The following HSDL1 variants were observed in gnomAD, a reference collection of about 807,000 sequenced individuals.
HSDL1 encodes the protein inactive hydroxysteroid dehydrogenase-like protein 1.
HSDL1 carries 29 observed loss-of-function variants against 31.5 expected under a neutral mutation model. The ratio of observed to expected loss-of-function variants is 0.92; its 90% CI spans 0.69 to 1.26. The LOEUF (loss-of-function observed/expected upper bound fraction) is 1.26. Among genes scored for constraint, HSDL1 ranks in the 50% most tolerant of loss-of-function variants. HSDL1 has a pLI of 0.00. For synonymous variants in HSDL1, 222 were observed against 155.2 expected, an observed-to-expected ratio of 1.43 and a Z score of -3.20; for missense variants, 503 against 416.6, an observed-to-expected ratio of 1.21 and a Z score of -1.81.
At chr16:84,136,516 C>A (rs889211653) in intron 1 of HSDL1, among the ~76,000 whole-genome samples, 1 of 152,262 alleles carries the variant, frequency 6.6e-6, no homozygotes, top group Non-Finnish European at 1.5e-5. Flanking sequence ...GCTCAGCCCT[C>A]AGCTCAGGAG....
chr16:84,137,629 C>T (rs1343987675), intron 1 of HSDL1, among the ~76,000 whole-genome samples: 1 of 152,248 alleles, frequency 6.6e-6, no homozygotes, highest in Non-Finnish European at 1.5e-5. Flanking sequence ...TTCACACATT[C>T]ACTCACACCC....
chr16:84,129,429 T>G, intron 5 of HSDL1, 119 bp downstream of exon 5: 3 of 755,418 alleles, frequency 4.0e-6, no homozygotes, highest in Non-Finnish European at 6.5e-6. Flanking sequence ...TTATTAAGTG[T>G]CAGGCTTAAG....
intron 2 of HSDL1, among the ~76,000 whole-genome samples, chr16:84,132,632 G>A (rs1466193651): frequency 6.6e-6 from 1 of 152,192 alleles, no homozygotes; most frequent in African/African-American, 2.4e-5. Flanking sequence ...GTCCCTAGGT[G>A]AAGACGCAGA....
In HSDL1 at chr16:84,130,294, C is replaced by T; in HGVS notation, c.358G>A (p.Asp120Asn). 1 of 1,614,208 alleles carries T rather than the reference C, an allele frequency of 6.2e-7. No individual in the cohort carries two copies. The highest frequency in any genetic ancestry group is 8.5e-7 in the Non-Finnish European group (1 of 1,180,048). The change falls in exon 4 of 6, where the codon GAT becomes AAT. Residue 120 changes from aspartate (D) to asparagine (N), a missense_variant. Asp to Asn is a conservative substitution (Grantham distance 23, BLOSUM62 1). Transcript: ENST00000219439. ...CTGCTGAAGTCCGCAACTATAATAT[C>T]AGTTTCCACTTTGTACGTGTCGGCT... is the stretch of plus-strand genomic sequence containing the variant. ...DIADTYKVET[D>N]IIVADFSSGR...
intron 1 of HSDL1, among the ~76,000 whole-genome samples, chr16:84,143,805 T>C (rs1454844493): frequency 2.0e-5 from 3 of 148,568 alleles, no homozygotes; most frequent in East Asian, 2.0e-4. Context: ...AAGGCTACCC[T>C]GACCAACACA....
intron 5 of HSDL1, among the ~76,000 whole-genome samples, chr16:84,128,431 A>G (rs1280528934): frequency 1.3e-5 from 2 of 152,240 alleles, no homozygotes; most frequent in Non-Finnish European, 2.9e-5. Context: ...GTTACTTTCT[A>G]CAGTACTAAA....
chr16:84,145,161 C>T lies in HSDL1; in HGVS notation c.-150G>A, dbSNP rs2086839468. The T allele has an allele frequency of 1.3e-5, 3 of 236,736 alleles. No homozygotes were observed. The East Asian group carries it at 2.7e-4, about 21-fold the overall frequency. The allele number at this position is 236,736 out of a possible 1,614,324, so 14.7% of individuals were successfully genotyped here. A position where few individuals can be genotyped will look rare whatever the true frequency, so the allele number is the denominator to read the frequency against. ...CCCGTCTCGGCCGCCGGAGCTGCTG[C>T]CGCGCCGCGCCCTCACGTGACCCGC... On this transcript the variant is annotated 5_prime_UTR_variant, in exon 1 of 6. Transcript: ENST00000219439.
intron 2 of HSDL1, among the ~76,000 whole-genome samples, chr16:84,133,767 T>C (rs2086688806): frequency 6.6e-6 from 1 of 152,104 alleles, no homozygotes; most frequent in African/African-American, 2.4e-5. Context: ...AAATGAAAAG[T>C]TGGGCCCCTT....
rs551793739 is a variant in HSDL1, at chr16:84,123,687, A to G, written c.*943T>C. The G allele has an allele frequency of 6.5e-6, 1 of 152,754 alleles. No individual in the cohort carries two copies. Among genetic ancestry groups the G allele is most frequent in the South Asian group, 2.1e-4 (1 of 4,832 alleles). 9.5% of individuals were successfully genotyped at this position (152,754 alleles called of 1,614,324 possible). ...TGCTACTGGAATGGAATAATATTAC[A>G]TAGAAAAACGTAGGAAAACCAGATA... is the stretch of plus-strand genomic sequence containing the variant. On this transcript the variant is annotated 3_prime_UTR_variant, in exon 6 of 6. Coordinates refer to ENST00000219439, the MANE Select transcript of HSDL1 (RefSeq NM_031463.5).
chr16:84,135,958 C>T (rs1597377693), intron 1 of HSDL1, among the ~76,000 whole-genome samples: 1 of 152,218 alleles, frequency 6.6e-6, no homozygotes, highest in African/African-American at 2.4e-5. Flanking sequence ...GGCACCAGGC[C>T]GGCATCGGGG....
At chr16:84,125,012 A>C in intron 5 of HSDL1, 1 of 237,368 alleles carries the variant, frequency 4.2e-6, no homozygotes, top group Non-Finnish European at 8.4e-6. Context: ...ACCAATCACA[A>C]TACCCACCAA....
chr16:84,132,221 T>G (rs746109182), intron 2 of HSDL1, among the ~76,000 whole-genome samples: 1 of 152,216 alleles, frequency 6.6e-6, no homozygotes, highest in Non-Finnish European at 1.5e-5. Flanking sequence ...ATGTATTTCT[T>G]TGCTTTATTC....
rs1417437883 is a variant in HSDL1 at position 84,124,144 on chromosome 16, G to C, written c.*486C>G. On this transcript the variant is annotated 3_prime_UTR_variant, in exon 6 of 6. Coordinates refer to ENST00000219439, the MANE Select transcript of HSDL1 (RefSeq NM_031463.5). Reference sequence around the variant, plus strand: ...CATTACAGATAGTCAAACAGCTAGAGCTATACAATACACACAGATTTTTCC... The same window carrying C: ...CATTACAGATAGTCAAACAGCTAGACCTATACAATACACACAGATTTTTCC... 1.3e-5 allele frequency: 2 copies of C among 157,298 alleles called. No homozygotes were observed. Among genetic ancestry groups the C allele is most frequent in the Non-Finnish European group, 1.4e-5 (1 of 71,096 alleles). 9.7% of individuals were successfully genotyped at this position (157,298 alleles called of 1,614,324 possible). A position where few individuals can be genotyped will look rare whatever the true frequency, so the allele number is the denominator to read the frequency against.
intron 5 of HSDL1, among the ~76,000 whole-genome samples, chr16:84,128,803 G>A (rs575517603): frequency 2.2e-4 from 34 of 152,078 alleles, no homozygotes; most frequent in African/African-American, 8.2e-4. Context: ...CGCCTCCAGG[G>A]TTCAAGCGAT....
At chr16:84,132,864 C>A (rs1338407569) in intron 2 of HSDL1, among the ~76,000 whole-genome samples, 1 of 151,730 alleles carries the variant, frequency 6.6e-6, no homozygotes, top group African/African-American at 2.4e-5. Context: ...AACTCAGATA[C>A]ACACAAACCC....
At chr16:84,138,146 G>A (rs1362401124) in intron 1 of HSDL1, among the ~76,000 whole-genome samples, 3 of 152,186 alleles carry the variant, frequency 2.0e-5, no homozygotes, top group Non-Finnish European at 2.9e-5. Context: ...ATGGTATTTT[G>A]TTATAGCAGC....
chr16:84,129,886 A>G, intron 4 of HSDL1, 100 bp downstream of exon 4: 1 of 1,402,894 alleles, frequency 7.1e-7, no homozygotes. Context: ...GGATAAGCAT[A>G]TGTGAGTTGC....
At chr16:84,134,861 A>G (rs902344646) in intron 2 of HSDL1, among the ~76,000 whole-genome samples, 6 of 152,364 alleles carry the variant, frequency 3.9e-5, no homozygotes, top group African/African-American at 1.4e-4. Flanking sequence ...AAACCTAGAC[A>G]CTTGGAATAT....
At chr16:84,132,290 G>A (rs1274301436) in intron 2 of HSDL1, among the ~76,000 whole-genome samples, 1 of 152,206 alleles carries the variant, frequency 6.6e-6, no homozygotes, top group Non-Finnish European at 1.5e-5. Context: ...ATGAAACAGA[G>A]GTGGCACTAA....
Sources: gnomAD v4.1 joint callset for allele counts (sites outside exome capture counted in the v4.1 genomes callset) on GRCh38, gnomAD v4.1.1 for gene constraint, MANE v1.5 for transcripts, NCBI Gene and HGNC (gene_info 2026-07-23, HGNC 2026-07-21) for gene names.